Variants in CADPS2 observed in about 807,000 individuals in gnomAD.
CADPS2 encodes calcium dependent secretion activator 2.
CADPS2 carries 93 observed loss-of-function variants against 172.5 expected under a neutral mutation model. The observed-to-expected ratio is 0.54, with a 90% CI of 0.46 to 0.64. The LOEUF is 0.64. CADPS2 is among the 30% of genes least tolerant of loss of function. The probability of loss-of-function intolerance (pLI) is 0.00; values close to 1 mark genes in which losing one functional copy is unlikely to be tolerated. For missense variants in CADPS2, 1,420 were observed against 1,565.9 expected (o/e 0.91, Z 1.57); for synonymous variants, 546 against 555.2 (o/e 0.98, Z 0.23).
At chr7:122,733,362 T>C (rs764778933) in intron 2 of CADPS2, among the ~76,000 whole-genome samples, 3 of 151,972 alleles carry the variant, frequency 2.0e-5, no homozygotes, top group Non-Finnish European at 2.9e-5. Context: ...CATCAAGTAT[T>C]CATTGAATAT....
chr7:122,351,045 TA>T (rs1429335514), intron 27 of CADPS2, among the ~76,000 whole-genome samples: 5 of 151,674 alleles, frequency 3.3e-5, no homozygotes, highest in African/African-American at 7.3e-5. Flanking sequence ...AATAGATTTT[TA>T]AAAACCATGA....
At chr7:122,801,771 T>C (rs879437152) in intron 1 of CADPS2, among the ~76,000 whole-genome samples, 8 of 118,122 alleles carry the variant, frequency 6.8e-5, no homozygotes, top group Non-Finnish European at 1.1e-4. Context: ...TTTTTTAATT[T>C]TTATTTATTT....
At chr7:122,743,559 T>C (rs2092591152) in intron 1 of CADPS2, among the ~76,000 whole-genome samples, 1 of 152,154 alleles carries the variant, frequency 6.6e-6, no homozygotes, top group Non-Finnish European at 1.5e-5. Flanking sequence ...CACAGCAAAG[T>C]GGCAGAAAAC....
chr7:122,461,584 C>G (rs779743359), intron 14 of CADPS2, among the ~76,000 whole-genome samples: 1 of 151,978 alleles, frequency 6.6e-6, no homozygotes, highest in Non-Finnish European at 1.5e-5. Flanking sequence ...TGCCAAGAGC[C>G]TTTTTTGTTG....
At chr7:122,658,398 C>A (rs933103663) in intron 3 of CADPS2, among the ~76,000 whole-genome samples, 8 of 152,086 alleles carry the variant, frequency 5.3e-5, no homozygotes, top group Non-Finnish European at 8.8e-5. Context: ...GGTATATACC[C>A]AAAGGATTAG....
intron 1 of CADPS2, among the ~76,000 whole-genome samples, chr7:122,869,488 C>A (rs1039519214): frequency 2.0e-5 from 3 of 151,838 alleles, no homozygotes; most frequent in Admixed American, 1.3e-4. Flanking sequence ...GCAAACCTGT[C>A]CTTCAAAAAT....
intron 1 of CADPS2, among the ~76,000 whole-genome samples, chr7:122,790,026 G>GTTTTTTTTTTTTTTTTTT (rs771290127): frequency 7.1e-6 from 1 of 141,074 alleles, no homozygotes. Context: ...CAAATATTAA[G>GTTTTTTTTTTTTTTTTTT]TGTTTTTTTT....
chr7:122,633,707 T>C (rs1288930885), intron 3 of CADPS2, among the ~76,000 whole-genome samples: 1 of 152,144 alleles, frequency 6.6e-6, no homozygotes, highest in Non-Finnish European at 1.5e-5. Flanking sequence ...GCCTGATTTC[T>C]CTGGCTGGGC....
chr7:122,728,985 G>A (rs2091377575), intron 2 of CADPS2, among the ~76,000 whole-genome samples: 1 of 151,696 alleles, frequency 6.6e-6, no homozygotes, highest in South Asian at 2.1e-4. Flanking sequence ...CTGTATGTTT[G>A]TATCCATTAC....
At chr7:122,477,496 ACAGAGTGAGACTC>A (rs892399214) in intron 12 of CADPS2, among the ~76,000 whole-genome samples, 6 of 151,770 alleles carry the variant, frequency 4.0e-5, no homozygotes, top group Admixed American at 3.3e-4. Context: ...AGCCTGGGCT[ACAGAGTGAGACTC>A]CATTCCCATC....
At chr7:122,720,026 T>G (rs1460968010) in intron 2 of CADPS2, among the ~76,000 whole-genome samples, 1 of 152,090 alleles carries the variant, frequency 6.6e-6, no homozygotes, top group Non-Finnish European at 1.5e-5. Flanking sequence ...CTAAACATTA[T>G]GCTTGAATTA....
At chr7:122,614,135 A>AAGTCCAGGGTC (rs1164733215) in intron 6 of CADPS2, among the ~76,000 whole-genome samples, 1 of 152,002 alleles carries the variant, frequency 6.6e-6, no homozygotes, top group East Asian at 1.9e-4. Flanking sequence ...GGACTGCATG[A>AAGTCCAGGGTC]AGTCCAGGGT....
chr7:122,776,995 T>C (rs543251866), intron 1 of CADPS2, among the ~76,000 whole-genome samples: 57 of 151,924 alleles, frequency 3.8e-4, no homozygotes, highest in African/African-American at 1.4e-3. Flanking sequence ...TACAAAAAGT[T>C]TGAAAATTAG....
chr7:122,853,867 C>T (rs941286916), intron 1 of CADPS2, among the ~76,000 whole-genome samples: 36 of 152,120 alleles, frequency 2.4e-4, no homozygotes, highest in Admixed American at 1.2e-3. Flanking sequence ...GTAGTACATG[C>T]CAAAGCTTCA....
At chr7:122,857,324 T>C (rs1034337753) in intron 1 of CADPS2, among the ~76,000 whole-genome samples, 7 of 152,328 alleles carry the variant, frequency 4.6e-5, no homozygotes, top group Non-Finnish European at 8.8e-5. Context: ...ATATTATTTC[T>C]TCATTCAGAA....
chr7:122,644,083 GGAAGGAAGGAAT>G (rs910851253), intron 3 of CADPS2, among the ~76,000 whole-genome samples: 9 of 150,692 alleles, frequency 6.0e-5, no homozygotes, highest in South Asian at 2.1e-4. Context: ...AGAAAAGAAA[GGAAGGAAGGAAT>G]GAAGGAAGGA....
chr7:122,525,981 A>G (rs2061199229), intron 8 of CADPS2, among the ~76,000 whole-genome samples: 1 of 152,148 alleles, frequency 6.6e-6, no homozygotes, highest in African/African-American at 2.4e-5. Flanking sequence ...AGTCATTGAC[A>G]AAATATCATT....
chr7:122,699,304 A>T (rs1057277791), intron 2 of CADPS2: 4 of 164,878 alleles, frequency 2.4e-5, no homozygotes, highest in African/African-American at 9.6e-5. Flanking sequence ...GCTACATATA[A>T]TGGTAGTAGA....
At chr7:122,713,780 T>C (rs1038513215) in intron 2 of CADPS2, among the ~76,000 whole-genome samples, 8 of 152,044 alleles carry the variant, frequency 5.3e-5, no homozygotes, top group Non-Finnish European at 1.0e-4. Flanking sequence ...TCATGATTCA[T>C]AGAAGATGCA....
Sources: gnomAD v4.1 joint callset for allele counts (sites outside exome capture counted in the v4.1 genomes callset) on GRCh38, gnomAD v4.1.1 for gene constraint, MANE v1.5 for transcripts, NCBI Gene and HGNC (gene_info 2026-07-23, HGNC 2026-07-21) for gene names.